The following SNED1 variants were observed in gnomAD, a reference collection of about 807,000 sequenced individuals.
SNED1 encodes sushi, nidogen and EGF like domains 1.
In SNED1, 81 loss-of-function variants were observed where a neutral mutation model predicts 166.7. The observed-to-expected ratio is 0.49, with a 90% CI of 0.41 to 0.58. The LOEUF (loss-of-function observed/expected upper bound fraction) is 0.58, where lower values mean the gene tolerates loss of function less well. SNED1 is among the 20% of genes least tolerant of loss of function. The pLI is 0.00. For synonymous variants in SNED1, 762 were observed against 822.0 expected, an observed-to-expected ratio of 0.93 and a Z score of 1.25; for missense variants, 1,604 against 2,000.2, an observed-to-expected ratio of 0.80 and a Z score of 3.78.
Position 241,065,576 on chromosome 2 carries a change from C to T in SNED1, c.2991C>T (p.Ala997=), listed in dbSNP as rs570295890. 226 of 1,612,206 alleles carry T rather than the reference C, an allele frequency of 1.4e-4. 1 individual carries two copies. In the South Asian group the frequency reaches 2.1e-3, roughly 15 times the overall value. The change falls in exon 21 of 32, where the codon GCC becomes GCT. Residue 997 remains alanine (A), a synonymous_variant. Transcript: ENST00000310397. ...SNNKNDISRP[A]VLLARTRPRP... ...ACAAGAATGACATCAGCAGGCCTGCCGTGCTGCTGGCCCGCACGCGTGAGT... is the reference window on the plus strand; with the variant it reads ...ACAAGAATGACATCAGCAGGCCTGCTGTGCTGCTGGCCCGCACGCGTGAGT...
At chr2:241,058,355 TAATTA>T (rs1485890825) in intron 16 of SNED1, among the ~76,000 whole-genome samples, 2 of 152,074 alleles carry the variant, frequency 1.3e-5, no homozygotes, top group Non-Finnish European at 2.9e-5. Context: ...CAAACTTGAT[TAATTA>T]AATGTCTGAC....
At chr2:241,005,582 A>G (rs2060200269) in intron 1 of SNED1, among the ~76,000 whole-genome samples, 1 of 152,034 alleles carries the variant, frequency 6.6e-6, no homozygotes, top group Non-Finnish European at 1.5e-5. Context: ...ACCTGCTGGC[A>G]TAAATTATCA....
At chr2:241,015,304 C>G (rs895244141) in intron 1 of SNED1, among the ~76,000 whole-genome samples, 2 of 152,154 alleles carry the variant, frequency 1.3e-5, no homozygotes, top group Non-Finnish European at 2.9e-5. Flanking sequence ...GTTTCAGAAT[C>G]GAGTGCAGAG....
intron 1 of SNED1, among the ~76,000 whole-genome samples, chr2:241,017,513 A>G (rs1323309688): frequency 6.6e-6 from 1 of 152,252 alleles, no homozygotes; most frequent in Admixed American, 6.5e-5. Flanking sequence ...ACCCTAAGAA[A>G]TGACCCAGGC....
chr2:241,050,556 G>A (rs1197781277), intron 12 of SNED1, among the ~76,000 whole-genome samples: 2 of 152,140 alleles, frequency 1.3e-5, no homozygotes, highest in African/African-American at 2.4e-5. Context: ...AGCCTTCCAC[G>A]GCCCCTCCCC....
intron 1 of SNED1, among the ~76,000 whole-genome samples, chr2:241,019,388 C>G (rs2060701222): frequency 1.3e-5 from 2 of 152,196 alleles, no homozygotes; most frequent in Admixed American, 6.5e-5. Context: ...GCAAATCGTC[C>G]AGAAAGTCAA....
rs188262977 is a variant in SNED1, at chr2:241,090,137, A to G, written c.*2-1501A>G. On this transcript the variant is annotated intron_variant, in intron 31 of 31. Transcript: ENST00000310397. ...TTAACTCTTTTTAATAACAGCTTAAAATACAAACACACTGTACGGATGTTC... is the reference window on the plus strand; with the variant it reads ...TTAACTCTTTTTAATAACAGCTTAAGATACAAACACACTGTACGGATGTTC... 5.8e-4 allele frequency: 865 copies of G among 1,480,136 alleles called. 9 individuals are homozygous for G. The African/African-American group carries it at 0.011, about 18-fold the overall frequency. The allele number at this position is 1,480,136 out of a possible 1,614,324, so 91.7% of individuals were successfully genotyped here. A position where few individuals can be genotyped will look rare whatever the true frequency, so the allele number is the denominator to read the frequency against.
Position 241,030,562 on chromosome 2 carries a change from C to T in SNED1, c.492C>T (p.Ser164=). The T allele has an allele frequency of 6.2e-7, 1 of 1,613,672 alleles. No homozygotes were observed. Among genetic ancestry groups the T allele is most frequent in the Non-Finnish European group, 8.5e-7 (1 of 1,179,808 alleles). ...WYRVTFFGGS[S]SSPVNTFQTV... ...GAGTGACCTTCTTTGGAGGCAGTTC[C>T]TCATCCCCTGTGAGTCCAGGCACTT... Residue 164 remains serine (S), a synonymous_variant, in exon 2 of 32, where the codon TCC becomes TCT. Coordinates refer to ENST00000310397, the MANE Select transcript of SNED1 (RefSeq NM_001080437.3).
intron 16 of SNED1, among the ~76,000 whole-genome samples, chr2:241,058,263 A>G (rs540764155): frequency 6.6e-6 from 1 of 152,332 alleles, no homozygotes; most frequent in African/African-American, 2.4e-5. Flanking sequence ...ATATTCAAGC[A>G]TCTAATACAA....
intron 20 of SNED1, 87 bp from the exon 21 acceptor site, chr2:241,065,212 G>T: frequency 7.1e-7 from 1 of 1,411,078 alleles, no homozygotes; most frequent in South Asian, 1.3e-5. Flanking sequence ...CCAAGAGCCA[G>T]ACCCGGCTGA....
At chr2:240,998,616 C>T (rs1366108634), upstream of SNED1, among the ~76,000 whole-genome samples, 2 of 151,958 alleles carry the variant, frequency 1.3e-5, no homozygotes, top group Admixed American at 6.5e-5. Flanking sequence ...AGGGGCGGGG[C>T]TGGCCCCGAA....
At chr2:241,037,182 G>A (rs2061401011) in intron 5 of SNED1, 58 bp from the exon 6 acceptor site, 4 of 1,424,840 alleles carry the variant, frequency 2.8e-6, no homozygotes, top group Non-Finnish European at 3.9e-6. Flanking sequence ...CGAGCCCTTA[G>A]AGAAAACTCC....
intron 24 of SNED1, among the ~76,000 whole-genome samples, chr2:241,071,169 T>C (rs2062695502): frequency 6.6e-6 from 1 of 151,958 alleles, no homozygotes; most frequent in Non-Finnish European, 1.5e-5. Flanking sequence ...CATGCTGGGG[T>C]GGGGACTCCC....
intron 27 of SNED1, among the ~76,000 whole-genome samples, chr2:241,076,730 T>A (rs2063036484): frequency 6.6e-6 from 1 of 151,784 alleles, no homozygotes; most frequent in South Asian, 2.1e-4. Context: ...GGCATTTAGA[T>A]CAGTGGAAAA....
intron 24 of SNED1, among the ~76,000 whole-genome samples, chr2:241,070,898 A>T (rs1485517774): frequency 6.6e-6 from 1 of 152,190 alleles, no homozygotes; most frequent in East Asian, 1.9e-4. Flanking sequence ...CCCAGGGAAG[A>T]GAGGGCTCTG....
At chr2:241,074,138 C>G (rs1241037690) in intron 27 of SNED1, 1 of 152,298 alleles carries the variant, frequency 6.6e-6, no homozygotes, top group Non-Finnish European at 1.5e-5. Flanking sequence ...CCAAAGAAGT[C>G]CTAGTACTTG....
In SNED1 at chr2:241,068,863, A is replaced by C; in HGVS notation, c.3195-48A>C. 1 of 1,340,738 alleles carries C rather than the reference A, an allele frequency of 7.5e-7. No individual in the cohort carries two copies. The highest frequency in any genetic ancestry group is 1.0e-6 in the Non-Finnish European group (1 of 968,188). The allele number at this position is 1,340,738 out of a possible 1,614,324, so 83.1% of individuals were successfully genotyped here. ...CTGCGGTCTGGCAGCAGAGTCACAC[A>C]CAGGTCCCAGACATCCCTGTTCTCT... On this transcript the variant is annotated intron_variant, in intron 22 of 31. Coordinates refer to ENST00000310397, the MANE Select transcript of SNED1 (RefSeq NM_001080437.3). The surrounding 1 kb of genome is among the most constrained non-coding windows in gnomAD (Gnocchi z 5.3).
chr2:241,071,354 G>A, intron 24 of SNED1: 3 of 601,278 alleles, frequency 5.0e-6, no homozygotes, highest in East Asian at 2.8e-5. Context: ...TGTCATGGCT[G>A]CGCATGGCTC....
chr2:241,038,344 T>G (rs1334312749), intron 6 of SNED1, among the ~76,000 whole-genome samples: 1 of 152,252 alleles, frequency 6.6e-6, no homozygotes, highest in Non-Finnish European at 1.5e-5. Flanking sequence ...ACTTCCTTCC[T>G]GTGTTTACAC....
Sources: allele counts gnomAD v4.1 joint callset (sites outside exome capture counted in the v4.1 genomes callset), GRCh38; gene constraint gnomAD v4.1.1; non-coding constraint Gnocchi (gnomAD v3.1); transcripts MANE v1.5; gene names NCBI Gene and HGNC (gene_info 2026-07-23, HGNC 2026-07-21).